SLC29A3: variants seen among roughly 807,000 people sequenced by gnomAD.
SLC29A3 encodes solute carrier family 29 member 3, also known as equilibrative nucleoside transporter 3.
Under a neutral mutation model 25.4 loss-of-function variants are expected in SLC29A3, and 18 were observed. The observed-to-expected ratio is 0.71, with a 90% CI of 0.49 to 1.05. The LOEUF (loss-of-function observed/expected upper bound fraction) is 1.05, where lower values mean the gene tolerates loss of function less well. Among genes scored for constraint, SLC29A3 ranks in the 50% least tolerant of loss-of-function variants. The pLI, the probability that SLC29A3 is intolerant of heterozygous loss-of-function variation, is 0.00. For missense variants in SLC29A3, 586 were observed against 609.0 expected (o/e 0.96, Z 0.40); for synonymous variants, 258 against 267.1 (o/e 0.97, Z 0.33).
chr10:71,321,252 A>T (rs983264014), intron 1 of SLC29A3, among the ~76,000 whole-genome samples: 1 of 152,146 alleles, frequency 6.6e-6, no homozygotes, highest in African/African-American at 2.4e-5. Context: ...ATTCCAAGGG[A>T]TGCTCTGAGG....
At position 71,322,813 on chromosome 10, in the gene SLC29A3, C is replaced by A; in HGVS notation, c.59C>A (p.Thr20Lys). The change falls in exon 2 of 6, where the codon ACA (threonine) becomes AAA (lysine). Residue 20 changes from threonine to lysine, a missense_variant. Physicochemically the swap from Thr to Lys is moderately conservative, Grantham distance 78 (BLOSUM62 -1). Coordinates refer to ENST00000373189, the MANE Select transcript of SLC29A3 (RefSeq NM_018344.6). ...AGTTCAAACTCCACCTACAGAACCA[C>A]AAGCAGCAGTCTCCGAGCTGACCAG... The part of the protein sequence containing the change: ...QHSSNSTYRT[T>K]SSSLRADQEA... The A allele has an allele frequency of 4.3e-6, 7 of 1,614,208 alleles. No homozygotes were observed. The highest frequency in any genetic ancestry group is 5.9e-6 in the Non-Finnish European group (7 of 1,180,046).
rs767731415 is a variant in SLC29A3 at position 71,362,432 on chromosome 10, C to T, written c.1252C>T (p.Leu418Phe). Residue 418 changes from leucine (L) to phenylalanine (F), a missense_variant, in exon 6 of 6, where the codon CTC becomes TTC. By Grantham distance (22) the Leu-to-Phe change is conservative. Coordinates refer to ENST00000373189, the MANE Select transcript of SLC29A3 (RefSeq NM_018344.6). ...CCAGTCCGATGTGTACCCCGCACTC[C>T]TCAGCTCCCTGCTGGGGCTCAGCAA... ...VFQSDVYPAL[L>F]SSLLGLSNGY... The T allele has an allele frequency of 1.2e-6, 2 of 1,614,236 alleles. No individual in the cohort carries two copies. The highest frequency in any genetic ancestry group is 8.5e-7 in the Non-Finnish European group (1 of 1,180,052).
intron 5 of SLC29A3, among the ~76,000 whole-genome samples, chr10:71,357,012 A>G (rs572579328): frequency 8.3e-4 from 127 of 152,248 alleles, no homozygotes; most frequent in African/African-American, 2.9e-3. Flanking sequence ...CAGGGATGCA[A>G]TCGTGGCCTG....
chr10:71,344,142 G>T, intron 2 of SLC29A3, 67 bp from the exon 3 acceptor site: 1 of 1,272,720 alleles, frequency 7.9e-7, no homozygotes. Context: ...CCCTGTCTCT[G>T]CTCGCGTGGA....
chr10:71,352,139 C>G (rs1846782365), intron 4 of SLC29A3, among the ~76,000 whole-genome samples: 1 of 152,160 alleles, frequency 6.6e-6, no homozygotes, highest in Non-Finnish European at 1.5e-5. Context: ...CCAGGGACTT[C>G]CGTTCCTCTC....
chr10:71,341,576 T>C (rs865803626), intron 2 of SLC29A3, among the ~76,000 whole-genome samples: 4 of 152,322 alleles, frequency 2.6e-5, no homozygotes, highest in Middle Eastern at 6.8e-3. Context: ...GGCTGAAATA[T>C]TCAGGAAAAC....
At chr10:71,324,422 G>A (rs1845920658) in intron 2 of SLC29A3, among the ~76,000 whole-genome samples, 2 of 152,176 alleles carry the variant, frequency 1.3e-5, no homozygotes, top group Admixed American at 1.3e-4. Context: ...GGGGGATCCT[G>A]GAACCAATCC....
In SLC29A3 at chr10:71,355,840, G is replaced by A. The variant is rs142161273; in HGVS notation, c.611-241G>A. 6.8e-3 allele frequency among the ~76,000 whole-genome samples: 1,030 copies of A among 152,336 alleles called. 17 individuals are homozygous for A. Among genetic ancestry groups the A allele is most frequent in the African/African-American group, 0.024 (992 of 41,574 alleles). ...AGGCCATGTGCCACCTCAGGCAGCA[G>A]CCTCTTACAAGTCCAGCAGAGGGAG... On this transcript the variant is annotated intron_variant, in intron 4 of 5. Coordinates refer to ENST00000373189, the MANE Select transcript of SLC29A3 (RefSeq NM_018344.6).
chr10:71,337,087 T>A (rs1564530628), intron 2 of SLC29A3, among the ~76,000 whole-genome samples: 1 of 152,200 alleles, frequency 6.6e-6, no homozygotes, highest in Non-Finnish European at 1.5e-5. Context: ...CTTGGGCCTC[T>A]GGCCTCCCCT....
rs147866143 is a variant in SLC29A3 at position 71,374,281 on chromosome 10, G to A, written c.*95-1414G>A. On this transcript the variant is annotated intron_variant and NMD_transcript_variant, in intron 3 of 4. Transcript: ENST00000642772. ...TTATTAGGATATATAGCCAGGATTG[G>A]TAGAGATTTAGGGGGCTCCCTTTCC... 1.3e-3 allele frequency among the ~76,000 whole-genome samples: 198 copies of A among 152,262 alleles called. 1 individual carries two copies. Among genetic ancestry groups the A allele is most frequent in the African/African-American group, 4.5e-3 (188 of 41,558 alleles).
intron 2 of SLC29A3, among the ~76,000 whole-genome samples, chr10:71,340,338 A>G (rs1008358360): frequency 8.5e-5 from 13 of 152,166 alleles, no homozygotes; most frequent in African/African-American, 3.1e-4. Context: ...CATTCCTATC[A>G]CAAGCCTACA....
At chr10:71,349,158 T>C (rs1038701545) in intron 3 of SLC29A3, among the ~76,000 whole-genome samples, 1 of 152,210 alleles carries the variant, frequency 6.6e-6, no homozygotes, top group Non-Finnish European at 1.5e-5. Context: ...CTGTAGCTTC[T>C]GACCATATCA....
intron 3 of SLC29A3, among the ~76,000 whole-genome samples, chr10:71,370,372 C>A (rs1420225427): frequency 6.6e-6 from 1 of 152,216 alleles, no homozygotes; most frequent in Non-Finnish European, 1.5e-5. Flanking sequence ...CCACCAAGTC[C>A]AACCTCTGCC....
chr10:71,319,447 T>A, intron 1 of SLC29A3, 137 bp downstream of exon 1: 1 of 469,138 alleles, frequency 2.1e-6, no homozygotes. Flanking sequence ...CCATCCGTGG[T>A]CCCTTCCCCA....
Position 71,362,505 on chromosome 10 carries a change from C to T in SLC29A3, c.1325C>T (p.Pro442Leu), listed in dbSNP as rs369866354. The part of the protein sequence containing the change: ...LALLYGPKIV[P>L]RELAEATGVV... ...CTCCTCTACGGGCCTAAGATTGTGC[C>T]CAGGGAGCTGGCTGAGGCCACGGGA... Residue 442 changes from proline to leucine, a missense_variant, in exon 6 of 6, where the codon CCC (proline) becomes CTC (leucine). Physicochemically the swap from Pro to Leu is moderately conservative, Grantham distance 98 (BLOSUM62 -3). Coordinates refer to ENST00000373189, the MANE Select transcript of SLC29A3 (RefSeq NM_018344.6). 3.7e-6 allele frequency: 6 copies of T among 1,614,062 alleles called. No individual in the cohort carries two copies. The highest frequency in any genetic ancestry group is 4.2e-6 in the Non-Finnish European group (5 of 1,180,060).
chr10:71,366,085 C>G (rs1246751726), downstream of SLC29A3: 1 of 152,354 alleles, frequency 6.6e-6, no homozygotes, highest in Non-Finnish European at 1.5e-5. Flanking sequence ...ACCTCCTGGG[C>G]TCAAGCAATC....
intron 1 of SLC29A3, among the ~76,000 whole-genome samples, chr10:71,320,075 G>T (rs887514073): frequency 6.6e-6 from 1 of 152,208 alleles, no homozygotes; most frequent in African/African-American, 2.4e-5. Context: ...TCACTCCAGT[G>T]CCCTGGCCTG....
Position 71,351,438 on chromosome 10 carries a change from T to C in SLC29A3, c.384-124T>C. 1.8e-5 allele frequency: 14 copies of C among 785,346 alleles called. No homozygotes were observed. In the South Asian group the frequency reaches 2.3e-4, roughly 13 times the overall value. 48.6% of individuals were successfully genotyped at this position (785,346 alleles called of 1,614,324 possible). On this transcript the variant is annotated intron_variant, in intron 3 of 5. Transcript: ENST00000373189. ...AAGGCAGGATTCGAGTGCAGGCCTC[T>C]TGACTGCAGAGTGAACAGTCCTAAC...
chr10:71,322,510 G>A (rs747256374), intron 1 of SLC29A3, among the ~76,000 whole-genome samples: 28 of 152,138 alleles, frequency 1.8e-4, no homozygotes, highest in Non-Finnish European at 3.8e-4. Flanking sequence ...TACCTCTGTT[G>A]CCCTTGCATG....
Sources: allele counts gnomAD v4.1 joint callset (sites outside exome capture counted in the v4.1 genomes callset), GRCh38; gene constraint gnomAD v4.1.1; transcripts MANE v1.5; gene names NCBI Gene and HGNC (gene_info 2026-07-23, HGNC 2026-07-21).